Variants in MCMBP observed in about 807,000 individuals in gnomAD.
MCMBP encodes the protein minichromosome maintenance complex binding protein.
A neutral mutation model predicts 81.3 loss-of-function variants in MCMBP; 31 were observed. That is an observed-to-expected ratio of 0.38 (90% CI 0.29 to 0.51). MCMBP has a LOEUF of 0.51. MCMBP is among the 20% of genes least tolerant of loss of function. MCMBP has a pLI of 0.87. For missense variants in MCMBP, 645 were observed against 772.1 expected (o/e 0.84, Z 1.95); for synonymous variants, 267 against 275.9 (o/e 0.97, Z 0.32).
chr10:119,853,295 T>G, intron 5 of MCMBP, 101 bp from the exon 6 acceptor site: 1 of 1,250,634 alleles, frequency 8.0e-7, no homozygotes, highest in Non-Finnish European at 1.1e-6. Flanking sequence ...GGCAATTCAG[T>G]TAAAATAGAA....
Position 119,837,035 on chromosome 10 carries a change from A to C in MCMBP, c.1409-6T>G, listed in dbSNP as rs774970316. ...GGCTGTCACATTATGAACACCTACA[A>C]AGGCAGGAAAACACTTTCAGTCATT... On this transcript the variant is annotated splice_polypyrimidine_tract_variant and splice_region_variant and intron_variant, in intron 12 of 15. Coordinates refer to ENST00000369077, the MANE Select transcript of MCMBP (RefSeq NM_001256378.2). 1 of 1,611,314 alleles carries C rather than the reference A, an allele frequency of 6.2e-7. No homozygotes were observed. Among genetic ancestry groups the C allele is most frequent in the Non-Finnish European group, 8.5e-7 (1 of 1,178,946 alleles).
In MCMBP at chr10:119,830,433, G is replaced by C. The variant is rs1018645495; in HGVS notation, c.*1041C>G. On this transcript the variant is annotated 3_prime_UTR_variant, in exon 16 of 16. Coordinates refer to ENST00000369077, the MANE Select transcript of MCMBP (RefSeq NM_001256378.2). The stretch of plus-strand genomic sequence containing the variant: ...GTTACTGGAGTAGCAGATGTTAGCT[G>C]ATCTAACATACTTGGAACCAACTGA... The C allele has an allele frequency of 6.6e-6, 1 of 152,188 alleles. No individual in the cohort carries two copies. Among genetic ancestry groups the C allele is most frequent in the Non-Finnish European group, 1.5e-5 (1 of 68,038 alleles). 9.4% of individuals were successfully genotyped at this position (152,188 alleles called of 1,614,324 possible).
intron 7 of MCMBP, among the ~76,000 whole-genome samples, chr10:119,848,386 T>G (rs1166144398): frequency 6.6e-6 from 1 of 151,856 alleles, no homozygotes; most frequent in African/African-American, 2.4e-5. Flanking sequence ...CTGAGGTGGG[T>G]GGGTCACTTG....
chr10:119,832,923 A>G (rs1589771751), intron 14 of MCMBP, among the ~76,000 whole-genome samples: 1 of 152,152 alleles, frequency 6.6e-6, no homozygotes, highest in East Asian at 1.9e-4. Context: ...TGAAAACCTT[A>G]AGTATGTAAC....
chr10:119,842,803 T>C (rs1403778312), intron 9 of MCMBP: 43 of 477,238 alleles, frequency 9.0e-5, no homozygotes, highest in Middle Eastern at 6.5e-4. Context: ...TTGCTCTTTT[T>C]GCCTAGCCTG....
chr10:119,836,404 G>A (rs796070488), intron 13 of MCMBP, among the ~76,000 whole-genome samples: 15 of 152,280 alleles, frequency 9.9e-5, no homozygotes, highest in African/African-American at 3.6e-4. Context: ...TTGACAACTG[G>A]GAGCATTTCC....
At chr10:119,854,259 C>T (rs184080082) in intron 5 of MCMBP, among the ~76,000 whole-genome samples, 4 of 151,982 alleles carry the variant, frequency 2.6e-5, no homozygotes, top group Admixed American at 2.0e-4. Context: ...CCAGGTTGGT[C>T]TCAAACTCCT....
intron 6 of MCMBP, among the ~76,000 whole-genome samples, chr10:119,850,874 GTT>G (rs1284100421): frequency 3.8e-5 from 5 of 130,526 alleles, no homozygotes; most frequent in Non-Finnish European, 4.9e-5. Flanking sequence ...TACAAGATCT[GTT>G]TTTTTTTTTT....
intron 1 of MCMBP, among the ~76,000 whole-genome samples, chr10:119,870,564 T>A (rs953985195): frequency 6.6e-6 from 1 of 152,232 alleles, no homozygotes; most frequent in African/African-American, 2.4e-5. Flanking sequence ...CCAGTGGTTA[T>A]CTTGAAGGTG....
chr10:119,852,949 C>A, intron 6 of MCMBP, 101 bp downstream of exon 6: 1 of 1,378,424 alleles, frequency 7.3e-7, no homozygotes, highest in Non-Finnish European at 1.0e-6. Context: ...TGATAAATTG[C>A]CAGCTCCTAA....
intron 7 of MCMBP, among the ~76,000 whole-genome samples, chr10:119,849,031 G>A (rs910018290): frequency 3.3e-5 from 5 of 152,086 alleles, no homozygotes; most frequent in African/African-American, 1.2e-4. Flanking sequence ...TAACTGGCTG[G>A]GCCCCATGTA....
At position 119,863,066 on chromosome 10, in the gene MCMBP, G is replaced by A. The variant is rs144514476; in HGVS notation, c.59-3182C>T. Among the ~76,000 whole-genome samples the A allele has an allele frequency of 1.5e-3, 231 of 152,126 alleles. 1 individual carries two copies. The highest frequency in any genetic ancestry group is 4.3e-3 in the African/African-American group (179 of 41,494). On this transcript the variant is annotated intron_variant, in intron 1 of 15. Transcript: ENST00000369077. ...GGATTCAAGTTCTTTTTCTGATACCGGATTTTCAAATATATTCTCCCAGTG... is the reference window on the plus strand; with the variant it reads ...GGATTCAAGTTCTTTTTCTGATACCAGATTTTCAAATATATTCTCCCAGTG...
intron 5 of MCMBP, among the ~76,000 whole-genome samples, chr10:119,854,902 C>T (rs1274879025): frequency 4.7e-5 from 7 of 149,296 alleles, no homozygotes; most frequent in South Asian, 2.1e-4. Context: ...TGCAGTGAGC[C>T]GAAATTGCAC....
chr10:119,832,243 A>G, intron 14 of MCMBP, 143 bp from the exon 15 acceptor site: 1 of 564,120 alleles, frequency 1.8e-6, no homozygotes, highest in South Asian at 2.5e-5. Context: ...AAGCATATAC[A>G]TACATAATGC....
intron 10 of MCMBP, among the ~76,000 whole-genome samples, chr10:119,841,626 T>C (rs903725800): frequency 6.6e-6 from 1 of 152,222 alleles, no homozygotes; most frequent in African/African-American, 2.4e-5. Flanking sequence ...TGTATACATA[T>C]GTAAACAAAA....
intron 1 of MCMBP, among the ~76,000 whole-genome samples, chr10:119,862,240 G>A (rs1589798714): frequency 6.6e-6 from 1 of 152,138 alleles, no homozygotes; most frequent in East Asian, 1.9e-4. Flanking sequence ...CTGGGAGGTG[G>A]AGGTTGCAGT....
At chr10:119,866,201 A>G (rs1853446412) in intron 1 of MCMBP, among the ~76,000 whole-genome samples, 1 of 152,252 alleles carries the variant, frequency 6.6e-6, no homozygotes, top group South Asian at 2.1e-4. Context: ...CACATGTTGT[A>G]TAATTCCACC....
At chr10:119,851,963 A>T (rs1209698618) in intron 6 of MCMBP, among the ~76,000 whole-genome samples, 1 of 151,094 alleles carries the variant, frequency 6.6e-6, no homozygotes, top group Non-Finnish European at 1.5e-5. Flanking sequence ...GACCAGCCTG[A>T]CCAACATGGA....
At chr10:119,851,815 G>A (rs1852834339) in intron 6 of MCMBP, among the ~76,000 whole-genome samples, 1 of 151,982 alleles carries the variant, frequency 6.6e-6, no homozygotes, top group Non-Finnish European at 1.5e-5. Context: ...GTAATATAAG[G>A]GTAAATAAAA....
Sources: allele counts gnomAD v4.1 joint callset (sites outside exome capture counted in the v4.1 genomes callset), GRCh38; gene constraint gnomAD v4.1.1; transcripts MANE v1.5; gene names NCBI Gene and HGNC (gene_info 2026-07-23, HGNC 2026-07-21).